The following TMEM101 variants were observed in gnomAD, a reference collection of about 807,000 sequenced individuals.
The protein encoded by TMEM101 is putative NF-kappa-B-activating protein 130.
TMEM101 carries 14 observed loss-of-function variants against 26.0 expected under a neutral mutation model. The observed-to-expected ratio is 0.54, with a 90% CI of 0.36 to 0.84. The LOEUF (loss-of-function observed/expected upper bound fraction) is 0.84. Among genes scored for constraint, TMEM101 ranks in the 40% least tolerant of loss-of-function variants. TMEM101 has a pLI of 0.01. For synonymous variants in TMEM101, 152 were observed against 145.1 expected (o/e 1.05, Z -0.34); for missense variants, 292 against 345.1 (o/e 0.85, Z 1.22).
chr17:44,013,211 G>T, intron 2 of TMEM101, 56 bp from the exon 3 acceptor site: 2 of 1,454,886 alleles, frequency 1.4e-6, no homozygotes, highest in Non-Finnish European at 9.2e-7. Flanking sequence ...ATCTCTCCTG[G>T]CTTCCCAGAG....
chr17:44,014,839 G>C lies in TMEM101; in HGVS notation c.114C>G (p.Tyr38Ter). ...FWGCFSQLML[Y>*]AERAEARRKP... is the part of the protein sequence containing the mutation. ...ACCGGCGTGCCTCAGCCCTCTCAGC[G>C]TACAGCATGAGCTGGCTGAAGCAGC... Residue 38 changes from tyrosine to a stop codon, truncating the protein, a stop_gained, in exon 1 of 4, where the codon TAC becomes TAG. Transcript: ENST00000206380. LOFTEE classifies it high-confidence loss of function. The C allele has an allele frequency of 2.2e-5, 35 of 1,608,472 alleles. No individual in the cohort carries two copies. Among genetic ancestry groups the C allele is most frequent in the Non-Finnish European group, 2.8e-5 (33 of 1,176,822 alleles).
upstream of TMEM101, among the ~76,000 whole-genome samples, chr17:44,016,877 G>A (rs951649001): frequency 2.0e-5 from 3 of 152,204 alleles, no homozygotes; most frequent in Non-Finnish European, 2.9e-5. Context: ...GCTAACGCCT[G>A]TGATCCCAGC....
chr17:44,012,059 T>C lies in TMEM101; in HGVS notation c.643A>G (p.Met215Val), dbSNP rs2049165633. Residue 215 changes from methionine (M) to valine (V), a missense_variant, in exon 4 of 4, where the codon ATG (methionine) becomes GTG (valine). This residue lies in a region of TMEM101 where 149 missense variants were observed against 211.9 expected (regional missense o/e 0.70). Coordinates refer to ENST00000206380, the MANE Select transcript of TMEM101 (RefSeq NM_032376.4). ...GCAACATTGCCATCAATGAGCAGCATGACAGGGGGCAGCAGTACAGCCAGG... is the reference window on the plus strand; with the variant it reads ...GCAACATTGCCATCAATGAGCAGCACGACAGGGGGCAGCAGTACAGCCAGG... ...QILAVLLPPV[M>V]LLIDGNVAYW... 1.2e-6 allele frequency: 2 copies of C among 1,614,196 alleles called. No homozygotes were observed. Among genetic ancestry groups the C allele is most frequent in the East Asian group, 2.2e-5 (1 of 44,882 alleles).
In TMEM101 at chr17:44,014,815, C is replaced by A; in HGVS notation, c.137+1G>T. 2 of 1,572,346 alleles carry A rather than the reference C, an allele frequency of 1.3e-6. No homozygotes were observed. On this transcript the variant is annotated splice_donor_variant, in intron 1 of 3. Coordinates refer to ENST00000206380, the MANE Select transcript of TMEM101 (RefSeq NM_032376.4). LOFTEE classifies it high-confidence loss of function. ...TTTAGCGGCTGCGTAGGCCTGCTCACCGGCGTGCCTCAGCCCTCTCAGCGT... is the reference window on the plus strand; with the variant it reads ...TTTAGCGGCTGCGTAGGCCTGCTCAACGGCGTGCCTCAGCCCTCTCAGCGT...
upstream of TMEM101, among the ~76,000 whole-genome samples, chr17:44,016,901 G>A (rs549790645): frequency 2.3e-4 from 35 of 152,084 alleles, no homozygotes; most frequent in Admixed American, 1.9e-3. Flanking sequence ...TTAGGAGGCC[G>A]AGTCGGGTGG....
At chr17:44,019,509 A>G (rs2049266385), upstream of TMEM101, 1 of 165,370 alleles carries the variant, frequency 6.0e-6, no homozygotes, top group Admixed American at 6.4e-5. Context: ...AGGAACATAA[A>G]AAGGTCAACT....
chr17:44,016,034 C>T (rs565016601), upstream of TMEM101, among the ~76,000 whole-genome samples: 11 of 152,218 alleles, frequency 7.2e-5, no homozygotes, highest in East Asian at 1.9e-3. Flanking sequence ...CCACGCCCCA[C>T]CCGTTTATAT....
At chr17:44,017,758 T>C (rs979478139), upstream of TMEM101, among the ~76,000 whole-genome samples, 1 of 131,884 alleles carries the variant, frequency 7.6e-6, no homozygotes, top group Non-Finnish European at 1.8e-5. Context: ...AGCGAAACTC[T>C]TGTCTCAAAA....
chr17:44,019,066 CTG>C (rs1165480905), upstream of TMEM101, among the ~76,000 whole-genome samples: 1 of 152,168 alleles, frequency 6.6e-6, no homozygotes, highest in Admixed American at 6.5e-5. Context: ...GCCTAGTGTT[CTG>C]TGCGAGAGAC....
At position 44,013,110 on chromosome 17, in the gene TMEM101, C is replaced by T; in HGVS notation, c.364G>A (p.Val122Met). Reference sequence around the variant, plus strand: ...AGCTCCCCAGCACCGCTGGCCAACACAAGAAAGCCGCCGATGATGGCAACT... The same window carrying T: ...AGCTCCCCAGCACCGCTGGCCAACATAAGAAAGCCGCCGATGATGGCAACT... ...RTVAIIGGFLVLASGAGELYR... is the reference protein window; with the variant it reads ...RTVAIIGGFLMLASGAGELYR... The change falls in exon 3 of 4, where the codon GTG (valine) becomes ATG (methionine). Residue 122 changes from valine (V) to methionine (M), a missense_variant. Transcript: ENST00000206380. 1 of 1,607,958 alleles carries T rather than the reference C, an allele frequency of 6.2e-7. No homozygotes were observed. Among genetic ancestry groups the T allele is most frequent in the Non-Finnish European group, 8.5e-7 (1 of 1,175,606 alleles).
In TMEM101 at chr17:44,013,151, C is replaced by A; in HGVS notation, c.323G>T (p.Arg108Leu). ...YVHYGDWLKV[R>L]MYSRTVAIIG... ...GATGGCAACTGTGCGCGAGTACATA[C>A]GGACCTAGGCCGGGGTAAGGGGACC... The change falls in exon 3 of 4, where the codon CGT (arginine) becomes CTT (leucine). Residue 108 changes from arginine (R) to leucine (L), a missense_variant. Coordinates refer to ENST00000206380, the MANE Select transcript of TMEM101 (RefSeq NM_032376.4). 2 of 1,570,642 alleles carry A rather than the reference C, an allele frequency of 1.3e-6. No homozygotes were observed. Among genetic ancestry groups the A allele is most frequent in the Non-Finnish European group, 1.7e-6 (2 of 1,150,482 alleles).
chr17:44,014,239 C>G lies in TMEM101; in HGVS notation c.318+118G>C, dbSNP rs983703822. ...CCATAAGCCAAGGGGTTCGAACCTCCCAGGCTTCACACTGTGCAGCTGGCC... is the reference window on the plus strand; with the variant it reads ...CCATAAGCCAAGGGGTTCGAACCTCGCAGGCTTCACACTGTGCAGCTGGCC... On this transcript the variant is annotated intron_variant, in intron 2 of 3. Transcript: ENST00000206380. 4.7e-6 allele frequency: 6 copies of G among 1,274,020 alleles called. No individual in the cohort carries two copies. The African/African-American group carries it at 6.0e-5, about 13-fold the overall frequency. 78.9% of individuals were successfully genotyped at this position (1,274,020 alleles called of 1,614,324 possible). A position where few individuals can be genotyped will look rare whatever the true frequency, so the allele number is the denominator to read the frequency against.
upstream of TMEM101, among the ~76,000 whole-genome samples, chr17:44,017,764 CAAAAAA>C (rs57754322): frequency 7.9e-6 from 1 of 126,034 alleles, no homozygotes; most frequent in Non-Finnish European, 1.6e-5. Flanking sequence ...ACTCTTGTCT[CAAAAAA>C]AAAAAAAAAT....
At position 44,013,020 on chromosome 17, in the gene TMEM101, G is replaced by C; in HGVS notation, c.454C>G (p.Leu152Val). 6.2e-7 allele frequency: 1 copy of C among 1,603,696 alleles called. No homozygotes were observed. The highest frequency in any genetic ancestry group is 8.5e-7 in the Non-Finnish European group (1 of 1,172,302). The change falls in exon 3 of 4, where the codon CTC becomes GTC. Residue 152 changes from leucine (L) to valine (V), a missense_variant. Around this residue, in one of 2 missense-constraint regions of TMEM101, gnomAD observed 149 missense variants for 211.9 expected, o/e 0.70. Transcript: ENST00000206380. Reference sequence around the variant, plus strand: ...GTCCCCCAACATACCACACAGATGAGGTAGATACCCAGGAACACCTGGCCG... The same window carrying C: ...GTCCCCCAACATACCACACAGATGACGTAGATACCCAGGAACACCTGGCCG... ...STGQVFLGIY[L>V]ICVAYSLQHS... is the part of the protein sequence containing the mutation.
Position 44,014,839 on chromosome 17 carries a change from G to A in TMEM101, c.114C>T (p.Tyr38=), listed in dbSNP as rs1467809628. The A allele has an allele frequency of 1.2e-6, 2 of 1,608,472 alleles. No individual in the cohort carries two copies. The highest frequency in any genetic ancestry group is 2.2e-5 in the South Asian group (2 of 90,552). The part of the protein sequence containing the change: ...FWGCFSQLML[Y]AERAEARRKP... ...ACCGGCGTGCCTCAGCCCTCTCAGC[G>A]TACAGCATGAGCTGGCTGAAGCAGC... The change falls in exon 1 of 4, where the codon TAC becomes TAT. Residue 38 remains tyrosine, a synonymous_variant. Coordinates refer to ENST00000206380, the MANE Select transcript of TMEM101 (RefSeq NM_032376.4).
At chr17:44,018,550 GGTTTT>G (rs1419659488), upstream of TMEM101, among the ~76,000 whole-genome samples, 1 of 152,170 alleles carries the variant, frequency 6.6e-6, no homozygotes, top group Non-Finnish European at 1.5e-5. Flanking sequence ...CTTTCCAGTT[GGTTTT>G]ATTTTTCCAG....
At position 44,011,776 on chromosome 17, in the gene TMEM101, T is replaced by A; in HGVS notation, c.*152A>T. 2 of 813,646 alleles carry A rather than the reference T, an allele frequency of 2.5e-6. No homozygotes were observed. The highest frequency in any genetic ancestry group is 1.9e-5 in the South Asian group (1 of 54,050). The allele number at this position is 813,646 out of a possible 1,614,324, so 50.4% of individuals were successfully genotyped here. A position where few individuals can be genotyped will look rare whatever the true frequency, so the allele number is the denominator to read the frequency against. On this transcript the variant is annotated 3_prime_UTR_variant, in exon 4 of 4. Coordinates refer to ENST00000206380, the MANE Select transcript of TMEM101 (RefSeq NM_032376.4). ...AGCCCAGAAATTTGGACAAATGAGC[T>A]GCCTCTTAACTGCAAAAAACAATTT... is the stretch of plus-strand genomic sequence containing the variant.
Position 44,012,077 on chromosome 17 carries a change from C to CAGCCAGGA in TMEM101, c.617_624dup (p.Val209SerfsTer32), listed in dbSNP as rs779179435. 6.2e-7 allele frequency: 1 copy of CAGCCAGGA among 1,614,244 alleles called. No homozygotes were observed. Among genetic ancestry groups the CAGCCAGGA allele is most frequent in the Non-Finnish European group, 8.5e-7 (1 of 1,180,032 alleles). ...AGCAGCATGACAGGGGGCAGCAGTA[C>CAGCCAGGA]AGCCAGGATCTGGGCAGCGAGGGTC... On this transcript the variant is annotated frameshift_variant, in exon 4 of 4. Coordinates refer to ENST00000206380, the MANE Select transcript of TMEM101 (RefSeq NM_032376.4). LOFTEE classifies it high-confidence loss of function.
upstream of TMEM101, among the ~76,000 whole-genome samples, chr17:44,018,266 A>T (rs910249033): frequency 2.0e-5 from 3 of 152,188 alleles, no homozygotes; most frequent in Admixed American, 1.3e-4. Context: ...TTGAGGCTGC[A>T]TTGAGCTATG....
Sources: allele counts gnomAD v4.1 joint callset (sites outside exome capture counted in the v4.1 genomes callset), GRCh38; gene constraint gnomAD v4.1.1; regional missense constraint gnomAD v4.1.1; transcripts MANE v1.5; gene names NCBI Gene and HGNC (gene_info 2026-07-23, HGNC 2026-07-21).